Variants in AFDN observed in about 807,000 individuals in gnomAD.
The protein encoded by AFDN is afadin.
In AFDN, 68 loss-of-function variants were observed where a neutral mutation model predicts 216.6. The observed-to-expected ratio is 0.31, with a 90% confidence interval of 0.26 to 0.38. The LOEUF is 0.38. Among genes scored for constraint, AFDN ranks in the 10% least tolerant of loss-of-function variants. The pLI, the probability that AFDN is intolerant of heterozygous loss-of-function variation, is 1.00. For missense variants in AFDN, 2,136 were observed against 2,342.0 expected, an observed-to-expected ratio of 0.91 and a Z score of 1.82; for synonymous variants, 868 against 853.7, an observed-to-expected ratio of 1.02 and a Z score of -0.29.
At chr6:167,954,367 A>T in intron 30 of AFDN, 5 of 1,029,010 alleles carry the variant, frequency 4.9e-6, no homozygotes, top group Non-Finnish European at 7.0e-6. Context: ...GATAGTGAGA[A>T]AATATGCCGA....
chr6:167,952,683 A>G (rs899078775), intron 30 of AFDN: 4 of 176,908 alleles, frequency 2.3e-5, no homozygotes, highest in Admixed American at 2.0e-4. Context: ...CTTTATTTAC[A>G]GAAACACAGG....
chr6:167,878,111 G>A (rs1406301608), intron 5 of AFDN, among the ~76,000 whole-genome samples: 2 of 151,786 alleles, frequency 1.3e-5, no homozygotes, highest in Non-Finnish European at 2.9e-5. Flanking sequence ...AATTGTAAGA[G>A]AAGTTTTAGT....
intron 25 of AFDN, among the ~76,000 whole-genome samples, chr6:167,943,688 A>G (rs1794954318): frequency 6.6e-6 from 1 of 152,324 alleles, no homozygotes. Context: ...AACATACTCA[A>G]CACTTCTTTA....
chr6:167,864,644 A>G lies in AFDN; in HGVS notation c.199A>G (p.Thr67Ala). The G allele has an allele frequency of 1.9e-6, 3 of 1,614,226 alleles. No individual in the cohort carries two copies. The highest frequency in any genetic ancestry group is 2.5e-6 in the Non-Finnish European group (3 of 1,180,038). Reference protein sequence around the residue: ...TKCIRVSSTATTQDVIETLAE... With the variant: ...TKCIRVSSTAATQDVIETLAE... ...ATGTATTCGGGTCTCTAGTACTGCC[A>G]CCACTCAAGATGTAATCGAAACGCT... Residue 67 changes from threonine to alanine, a missense_variant, in exon 2 of 34, where the codon ACC becomes GCC. Thr to Ala is a moderately conservative substitution (Grantham distance 58, BLOSUM62 0). This residue lies in a region of AFDN where 817 missense variants were observed against 965.7 expected (regional missense o/e 0.85). Coordinates refer to ENST00000683244, the MANE Select transcript of AFDN (RefSeq NM_001386888.1).
At chr6:167,868,421 C>G (rs377245257) in intron 2 of AFDN, among the ~76,000 whole-genome samples, 1 of 152,058 alleles carries the variant, frequency 6.6e-6, no homozygotes, top group Non-Finnish European at 1.5e-5. Context: ...ATTTGGAGAC[C>G]TTTGTTAGAA....
At chr6:167,947,211 C>T (rs965188062) in intron 27 of AFDN, among the ~76,000 whole-genome samples, 2 of 150,152 alleles carry the variant, frequency 1.3e-5, no homozygotes, top group Non-Finnish European at 1.5e-5. Context: ...GTCTCACTCT[C>T]TCGCCCAGGC....
chr6:167,864,321 GCCATTATTTC>G (rs758902843), intron 1 of AFDN: 1 of 726,780 alleles, frequency 1.4e-6, no homozygotes, highest in Non-Finnish European at 2.5e-6. Flanking sequence ...CTATTTGACA[GCCATTATTTC>G]ATACGTGACA....
rs1463219266 is a variant in AFDN at position 167,970,436 on chromosome 6, T to C, written c.*501T>C. The C allele has an allele frequency of 2.3e-5, 5 of 220,380 alleles. No individual in the cohort carries two copies. Among genetic ancestry groups the C allele is most frequent in the Non-Finnish European group, 2.7e-5 (3 of 110,222 alleles). 13.7% of individuals were successfully genotyped at this position (220,380 alleles called of 1,614,324 possible). On this transcript the variant is annotated 3_prime_UTR_variant, in exon 34 of 34. Transcript: ENST00000683244. The stretch of plus-strand genomic sequence containing the variant: ...GCTCTTCTACCCGGGAAGGAACATA[T>C]GACGACATGCTCCTCCCATGTCCCC...
intron 23 of AFDN, among the ~76,000 whole-genome samples, chr6:167,925,680 A>G (rs1792429210): frequency 6.6e-6 from 1 of 152,114 alleles, no homozygotes; most frequent in African/African-American, 2.4e-5. Flanking sequence ...GAATCCCTTC[A>G]CCTGCTAGTT....
At chr6:167,861,587 T>C (rs1438855494) in intron 1 of AFDN, among the ~76,000 whole-genome samples, 1 of 152,176 alleles carries the variant, frequency 6.6e-6, no homozygotes, top group Non-Finnish European at 1.5e-5. Flanking sequence ...TGAAGGGCAG[T>C]AATTTATATG....
intron 3 of AFDN, among the ~76,000 whole-genome samples, 181 bp from the exon 4 acceptor site, chr6:167,872,033 A>G (rs1415560999): frequency 6.6e-6 from 1 of 152,210 alleles, no homozygotes; most frequent in Non-Finnish European, 1.5e-5. Context: ...TTTGATAAAT[A>G]CACCCATGTA....
intron 23 of AFDN, among the ~76,000 whole-genome samples, chr6:167,926,629 G>A (rs1039233288): frequency 3.9e-5 from 6 of 152,126 alleles, no homozygotes; most frequent in African/African-American, 1.2e-4. Flanking sequence ...ACAGGGTCTC[G>A]CTATGCTGCC....
At chr6:167,901,339 A>T (rs1788920522) in intron 11 of AFDN, among the ~76,000 whole-genome samples, 1 of 152,020 alleles carries the variant, frequency 6.6e-6, no homozygotes, top group Admixed American at 6.6e-5. Context: ...CTCTCCAATG[A>T]GCTGGGACCA....
At chr6:167,865,179 C>G (rs1021077922) in intron 2 of AFDN, among the ~76,000 whole-genome samples, 3 of 151,946 alleles carry the variant, frequency 2.0e-5, no homozygotes, top group African/African-American at 7.3e-5. Flanking sequence ...CCTTCTGAAA[C>G]AATACATTTT....
intron 1 of AFDN, chr6:167,863,874 A>C: frequency 2.0e-6 from 1 of 502,250 alleles, no homozygotes; most frequent in Non-Finnish European, 4.0e-6. Context: ...AATTAGTTAC[A>C]ACTATTAGGT....
rs1002310833 is a variant in AFDN, at chr6:167,913,414, G to A, written c.2049G>A (p.Gln683=). 6.5e-7 allele frequency: 1 copy of A among 1,535,952 alleles called. No individual in the cohort carries two copies. The highest frequency in any genetic ancestry group is 8.7e-7 in the Non-Finnish European group (1 of 1,146,822). The change falls in exon 16 of 34, where the codon CAG becomes CAA. Residue 683 remains glutamine (Q), a synonymous_variant. Coordinates refer to ENST00000683244, the MANE Select transcript of AFDN (RefSeq NM_001386888.1). ...MMEGVIQEVD[Q]VDQKQKNIAG... is the part of the protein sequence containing the mutation. ...CTGTTTTTCTCCAGGAAGTAGACCA[G>A]GTTGACCAGGTAGGACATCTGCTGG... is the stretch of plus-strand genomic sequence containing the variant.
At chr6:167,969,636 C>G in intron 33 of AFDN, 146 bp from the exon 34 acceptor site, 1 of 718,174 alleles carries the variant, frequency 1.4e-6, no homozygotes, top group Non-Finnish European at 2.2e-6. Flanking sequence ...AATACAGCCC[C>G]TGTGATTTCG....
chr6:167,875,239 A>G, intron 4 of AFDN, 96 bp from the exon 5 acceptor site: 3 of 1,134,720 alleles, frequency 2.6e-6, no homozygotes, highest in South Asian at 3.0e-5. Context: ...GTAGCCAAAT[A>G]GCACCTGCCA....
At chr6:167,968,798 G>A (rs1404155255) in intron 32 of AFDN, 1 of 294,608 alleles carries the variant, frequency 3.4e-6, no homozygotes, top group Non-Finnish European at 6.5e-6. Context: ...GTTGCCGATG[G>A]GTTGATGTTA....
Sources: gnomAD v4.1 joint callset for allele counts (sites outside exome capture counted in the v4.1 genomes callset) on GRCh38, gnomAD v4.1.1 for gene constraint, gnomAD v4.1.1 regional missense constraint, MANE v1.5 for transcripts, NCBI Gene and HGNC (gene_info 2026-07-23, HGNC 2026-07-21) for gene names.